The following CLVS1 variants were observed in gnomAD, a reference collection of about 807,000 sequenced individuals.
The protein encoded by CLVS1 is clavesin-1.
A neutral mutation model predicts 33.1 loss-of-function variants in CLVS1; 10 were observed. The ratio of observed to expected loss-of-function variants is 0.30; its 90% CI spans 0.19 to 0.51. The LOEUF (loss-of-function observed/expected upper bound fraction) is 0.51. Ranked by LOEUF, CLVS1 falls within the 20% of genes least tolerant of loss-of-function variation. The pLI, the probability that CLVS1 is intolerant of heterozygous loss-of-function variation, is 0.97. For missense variants in CLVS1, 343 were observed against 433.4 expected (o/e 0.79, Z 1.85); for synonymous variants, 163 against 166.1 (o/e 0.98, Z 0.14).
At chr8:61,164,054 C>T (rs1806806205) in intron 2 of CLVS1, among the ~76,000 whole-genome samples, 1 of 152,198 alleles carries the variant, frequency 6.6e-6, no homozygotes. Context: ...CATTGTCCCT[C>T]CCCCTGTGCT....
chr8:61,250,594 G>A (rs1212513381), intron 2 of CLVS1, among the ~76,000 whole-genome samples: 2 of 152,080 alleles, frequency 1.3e-5, no homozygotes, highest in African/African-American at 4.8e-5. Context: ...TTATTTCCTT[G>A]AGCAGTGTTT....
intron 5 of CLVS1, among the ~76,000 whole-genome samples, chr8:61,482,347 G>C (rs779863368): frequency 1.3e-5 from 2 of 152,258 alleles, no homozygotes; most frequent in Non-Finnish European, 2.9e-5. Flanking sequence ...GCTGGATGGA[G>C]AATGACTTTG....
intron 2 of CLVS1, among the ~76,000 whole-genome samples, chr8:61,357,910 C>A (rs545286670): frequency 2.0e-5 from 3 of 152,086 alleles, no homozygotes; most frequent in African/African-American, 4.8e-5. Flanking sequence ...GCTGTCTGAC[C>A]GGGATTGATG....
At chr8:61,024,436 T>C in the CLVS1 span, among the ~76,000 whole-genome samples, 1 of 152,254 alleles carries the variant, frequency 6.6e-6, no homozygotes, top group African/African-American at 2.4e-5. Context: ...CTTGCTTCAG[T>C]AAAGTTCCAT....
the CLVS1 span, among the ~76,000 whole-genome samples, chr8:61,012,909 G>GGTC: frequency 1.3e-5 from 2 of 152,186 alleles, no homozygotes; most frequent in Non-Finnish European, 2.9e-5. Context: ...GCAGACTGCT[G>GGTC]TGCTCATCGT....
At chr8:61,341,761 G>T (rs547760777) in intron 2 of CLVS1, among the ~76,000 whole-genome samples, 4 of 152,324 alleles carry the variant, frequency 2.6e-5, no homozygotes, top group African/African-American at 9.6e-5. Flanking sequence ...GAAAGCCAGG[G>T]TTGTACTAAC....
intron 1 of CLVS1, among the ~76,000 whole-genome samples, chr8:61,069,416 CCT>C (rs1804749725): frequency 1.3e-5 from 2 of 151,862 alleles, no homozygotes; most frequent in African/African-American, 4.8e-5. Flanking sequence ...TCTCTTCCTT[CCT>C]TCCTTCCTTC....
chr8:61,314,049 T>G (rs1563491309), intron 2 of CLVS1, among the ~76,000 whole-genome samples: 2 of 152,180 alleles, frequency 1.3e-5, no homozygotes, highest in Non-Finnish European at 2.9e-5. Context: ...ACAAATTTTA[T>G]ATTCTTTGTG....
At chr8:61,388,144 G>A (rs191069635) in intron 3 of CLVS1, among the ~76,000 whole-genome samples, 6 of 152,034 alleles carry the variant, frequency 3.9e-5, no homozygotes, top group Non-Finnish European at 8.8e-5. Flanking sequence ...TAAACCAAAT[G>A]CAGATCAAGA....
At chr8:61,060,500 A>C (rs532238150) in intron 1 of CLVS1, among the ~76,000 whole-genome samples, 1 of 152,204 alleles carries the variant, frequency 6.6e-6, no homozygotes, top group African/African-American at 2.4e-5. Flanking sequence ...ATTTGGCTTT[A>C]AATTGGTATT....
intron 2 of CLVS1, among the ~76,000 whole-genome samples, chr8:61,240,665 G>C (rs547937118): frequency 1.3e-5 from 2 of 152,114 alleles, no homozygotes; most frequent in Non-Finnish European, 2.9e-5. Context: ...AATGGTAAAT[G>C]TGTTGTTGGT....
At chr8:61,014,681 A>C in the CLVS1 span, among the ~76,000 whole-genome samples, 1 of 152,276 alleles carries the variant, frequency 6.6e-6, no homozygotes, top group Non-Finnish European at 1.5e-5. Context: ...AAAGCTTTGA[A>C]TAAGGAAGAT....
intron 2 of CLVS1, among the ~76,000 whole-genome samples, chr8:61,361,725 A>G (rs1054228273): frequency 6.6e-6 from 1 of 152,140 alleles, no homozygotes; most frequent in Admixed American, 6.5e-5. Context: ...CAACTATCCC[A>G]TGTGGAAACA....
At chr8:61,186,172 G>C (rs759149054) in intron 2 of CLVS1, among the ~76,000 whole-genome samples, 2 of 152,134 alleles carry the variant, frequency 1.3e-5, no homozygotes, top group African/African-American at 2.4e-5. Flanking sequence ...TACGCAGATA[G>C]GTTAACTTAT....
chr8:61,141,134 A>G (rs1262631110), intron 2 of CLVS1, among the ~76,000 whole-genome samples: 1 of 152,224 alleles, frequency 6.6e-6, no homozygotes, highest in African/African-American at 2.4e-5. Context: ...GCAAATACAT[A>G]TAAAGCAAAA....
the CLVS1 span, among the ~76,000 whole-genome samples, chr8:61,009,170 A>AT: frequency 6.6e-6 from 1 of 151,954 alleles, no homozygotes; most frequent in African/African-American, 2.4e-5. Flanking sequence ...CACTCTTAAA[A>AT]ATTTTTTTTT....
intron 2 of CLVS1, among the ~76,000 whole-genome samples, chr8:61,191,327 G>C (rs4551349): frequency 0.52 from 79,757 of 151,920 alleles, 21,663 homozygotes; most frequent in Middle Eastern, 0.69. Flanking sequence ...ATTCAACAGC[G>C]CTTCATGCTA....
intron 2 of CLVS1, among the ~76,000 whole-genome samples, chr8:61,199,702 G>T (rs1174649690): frequency 2.6e-5 from 4 of 152,182 alleles, no homozygotes; most frequent in African/African-American, 9.7e-5. Flanking sequence ...CAGGTGTTTT[G>T]TGTTGTTTTG....
chr8:61,466,516 T>G (rs1817551244), intron 5 of CLVS1, among the ~76,000 whole-genome samples: 1 of 152,184 alleles, frequency 6.6e-6, no homozygotes, highest in Admixed American at 6.5e-5. Flanking sequence ...GCCAGGAAAT[T>G]TCTGCATTAT....
Sources: allele counts gnomAD v4.1 joint callset (sites outside exome capture counted in the v4.1 genomes callset), GRCh38; gene constraint gnomAD v4.1.1; transcripts MANE v1.5; gene names NCBI Gene and HGNC (gene_info 2026-07-23, HGNC 2026-07-21).